The following LRP1B variants were observed in gnomAD, a reference collection of about 807,000 sequenced individuals.
LRP1B encodes the protein LDL receptor related protein 1B.
Under a neutral mutation model 556.6 loss-of-function variants are expected in LRP1B, and 217 were observed. The observed-to-expected ratio is 0.39, with a 90% confidence interval of 0.35 to 0.44. The LOEUF (loss-of-function observed/expected upper bound fraction) is 0.44. LRP1B is among the 20% of genes least tolerant of loss of function. LRP1B has a pLI of 1.00. For missense variants in LRP1B, 5,053 were observed against 5,620.8 expected, an observed-to-expected ratio of 0.90 and a Z score of 3.23; for synonymous variants, 2,047 against 1,865.8, an observed-to-expected ratio of 1.10 and a Z score of -2.50.
At chr2:140,842,424 C>G (rs1295878306) in intron 29 of LRP1B, among the ~76,000 whole-genome samples, 2 of 152,176 alleles carry the variant, frequency 1.3e-5, no homozygotes, top group African/African-American at 4.8e-5. Flanking sequence ...CTAATAATCA[C>G]AGTTGCCTTA....
chr2:140,748,147 T>TATTATATATTC (rs1688390153), intron 35 of LRP1B, among the ~76,000 whole-genome samples: 2 of 135,614 alleles, frequency 1.5e-5, no homozygotes, highest in South Asian at 4.4e-4. Context: ...AATTCATATA[T>TATTATATATTC]ATGTGTGTAT....
At chr2:140,973,502 A>T (rs1186370807) in intron 18 of LRP1B, among the ~76,000 whole-genome samples, 1 of 152,112 alleles carries the variant, frequency 6.6e-6, no homozygotes, top group African/African-American at 2.4e-5. Context: ...TATCAAAATA[A>T]AACCTAAGAG....
intron 3 of LRP1B, among the ~76,000 whole-genome samples, chr2:141,402,335 T>G (rs1488075341): frequency 6.6e-6 from 1 of 152,082 alleles, no homozygotes; most frequent in Admixed American, 6.5e-5. Flanking sequence ...TATTTGGCTG[T>G]TCAAATCAAA....
rs55884730 is a variant in LRP1B at position 140,672,482 on chromosome 2, T to TAAAAAA, written c.6799+27762_6799+27767dup. Reference sequence around the variant, plus strand: ...CTGGGTGACAGAATGAGACTCCATCTAAAAAAAAAAAAAAAAAAAAAAAAA... The same window carrying TAAAAAA: ...CTGGGTGACAGAATGAGACTCCATCTAAAAAAAAAAAAAAAAAAAAAAAAAAAAAAA... On this transcript the variant is annotated intron_variant, in intron 41 of 90. Transcript: ENST00000389484. Among the ~76,000 whole-genome samples, 72 of 81,572 alleles carry TAAAAAA rather than the reference T, an allele frequency of 8.8e-4. 2 individuals are homozygous for TAAAAAA. In the East Asian group the frequency reaches 0.01, roughly 12 times the overall value. The allele number at this position is 81,572 out of a possible 152,430, so 53.5% of individuals were successfully genotyped here.
At chr2:140,609,229 T>C (rs889276235) in intron 41 of LRP1B, among the ~76,000 whole-genome samples, 5 of 152,056 alleles carry the variant, frequency 3.3e-5, no homozygotes, top group Non-Finnish European at 7.4e-5. Flanking sequence ...CCTTGAGAAA[T>C]ATAATTAGAA....
At chr2:140,415,107 G>A (rs1028452197) in intron 66 of LRP1B, among the ~76,000 whole-genome samples, 4 of 152,168 alleles carry the variant, frequency 2.6e-5, no homozygotes, top group Admixed American at 1.3e-4. Context: ...AGGCTTACTA[G>A]GGTGGGGAAA....
chr2:141,691,724 GTTTA>G (rs1261065509), intron 2 of LRP1B, among the ~76,000 whole-genome samples: 2 of 151,632 alleles, frequency 1.3e-5, no homozygotes, highest in African/African-American at 2.4e-5. Flanking sequence ...TCCAATTTTT[GTTTA>G]TTTGTTTCTA....
intron 20 of LRP1B, among the ~76,000 whole-genome samples, chr2:140,924,806 C>A (rs553412414): frequency 6.6e-6 from 1 of 152,140 alleles, no homozygotes; most frequent in East Asian, 1.9e-4. Flanking sequence ...TTTGCACACA[C>A]ACAATCAATC....
chr2:142,015,649 A>T (rs1164975643), intron 1 of LRP1B, among the ~76,000 whole-genome samples: 2 of 152,104 alleles, frequency 1.3e-5, no homozygotes, highest in African/African-American at 4.8e-5. Flanking sequence ...AATATCCAGA[A>T]TCTACAAGGA....
At chr2:141,036,876 C>T (rs1473755024) in intron 11 of LRP1B, among the ~76,000 whole-genome samples, 2 of 151,930 alleles carry the variant, frequency 1.3e-5, no homozygotes, top group East Asian at 3.9e-4. Context: ...AAGACAATTG[C>T]TGCCCTGGGG....
chr2:141,209,777 G>C (rs1250030479), intron 6 of LRP1B, among the ~76,000 whole-genome samples: 1 of 152,148 alleles, frequency 6.6e-6, no homozygotes, highest in South Asian at 2.1e-4. Context: ...AAAGTTAAGG[G>C]AAGAGACAAA....
chr2:141,680,247 A>C (rs1434267614), intron 2 of LRP1B, among the ~76,000 whole-genome samples: 1 of 152,154 alleles, frequency 6.6e-6, no homozygotes, highest in African/African-American at 2.4e-5. Context: ...ATGGTGAAAA[A>C]CAGGAAAATA....
intron 84 of LRP1B, among the ~76,000 whole-genome samples, chr2:140,275,563 C>T (rs1270331013): frequency 2.6e-5 from 4 of 151,914 alleles, no homozygotes; most frequent in Non-Finnish European, 5.9e-5. Context: ...GTACACGTAG[C>T]AGAACAAACC....
intron 58 of LRP1B, among the ~76,000 whole-genome samples, chr2:140,486,484 T>C (rs1038194608): frequency 4.6e-5 from 7 of 151,964 alleles, no homozygotes; most frequent in Non-Finnish European, 1.0e-4. Context: ...GGAATAAAGA[T>C]GTATTTTATC....
At chr2:141,265,303 G>T (rs1476274973) in intron 3 of LRP1B, among the ~76,000 whole-genome samples, 2 of 152,098 alleles carry the variant, frequency 1.3e-5, no homozygotes, top group African/African-American at 2.4e-5. Context: ...GGAAGATGCT[G>T]AAATCCCAGG....
rs143164957 is a variant in LRP1B at position 142,079,245 on chromosome 2, T to C, written c.82+51403A>G. On this transcript the variant is annotated intron_variant, in intron 1 of 90. Coordinates refer to ENST00000389484, the MANE Select transcript of LRP1B (RefSeq NM_018557.3). The stretch of plus-strand genomic sequence containing the variant: ...TAGGAACATAATTTTTTCACAGATA[T>C]AAGCACTTTATGGATATAATAATTA... Among the ~76,000 whole-genome samples the C allele has an allele frequency of 7.8e-3, 1,189 of 152,282 alleles. 20 individuals carry two copies. The highest frequency in any genetic ancestry group is 0.027 in the African/African-American group (1,107 of 41,576).
intron 3 of LRP1B, among the ~76,000 whole-genome samples, chr2:141,389,966 C>T (rs1365004528): frequency 1.3e-5 from 2 of 151,920 alleles, no homozygotes; most frequent in African/African-American, 2.4e-5. Context: ...ATGGTGAAGC[C>T]GTCTCTACTA....
Position 141,915,965 on chromosome 2 carries a change from G to A in LRP1B, c.83-105564C>T, listed in dbSNP as rs190266692. Among the ~76,000 whole-genome samples the A allele has an allele frequency of 4.0e-4, 61 of 152,256 alleles. 1 individual carries two copies. Among genetic ancestry groups the A allele is most frequent in the Admixed American group, 1.1e-3 (17 of 15,292 alleles). On this transcript the variant is annotated intron_variant, in intron 1 of 90. Transcript: ENST00000389484. ...CAAGGCTGTGGAGAAAAGAGAATGCGTATACATTGTTGGTGGAAATGCAAA... is the reference window on the plus strand; with the variant it reads ...CAAGGCTGTGGAGAAAAGAGAATGCATATACATTGTTGGTGGAAATGCAAA...
intron 1 of LRP1B, among the ~76,000 whole-genome samples, chr2:142,063,200 TC>T (rs950938809): frequency 5.9e-5 from 9 of 151,572 alleles, no homozygotes; most frequent in Non-Finnish European, 8.9e-5. Context: ...TACAATTATT[TC>T]CCCCCATTTT....
Sources: gnomAD v4.1 joint callset for allele counts (sites outside exome capture counted in the v4.1 genomes callset) on GRCh38, gnomAD v4.1.1 for gene constraint, MANE v1.5 for transcripts, NCBI Gene and HGNC (gene_info 2026-07-23, HGNC 2026-07-21) for gene names.